ACSM5: variants seen among roughly 807,000 people sequenced by gnomAD.
ACSM5 encodes acyl-CoA synthetase medium chain family member 5, also known as acyl-coenzyme A synthetase ACSM5, mitochondrial.
Under a neutral mutation model 71.6 loss-of-function variants are expected in ACSM5, and 56 were observed. The ratio of observed to expected loss-of-function variants is 0.78; its 90% confidence interval spans 0.63 to 0.98. ACSM5 has a LOEUF of 0.98. Ranked by LOEUF, ACSM5 falls within the 50% of genes least tolerant of loss-of-function variation. The pLI, the probability that ACSM5 is intolerant of heterozygous loss-of-function variation, is 0.00. For missense variants in ACSM5, 723 were observed against 726.0 expected (o/e 1.00, Z 0.05); for synonymous variants, 285 against 281.5 (o/e 1.01, Z -0.12).
At chr16:20,435,601 T>C (rs1251946863) in intron 10 of ACSM5, among the ~76,000 whole-genome samples, 1 of 152,176 alleles carries the variant, frequency 6.6e-6, no homozygotes, top group African/African-American at 2.4e-5. Context: ...CATTTTTCAC[T>C]CCCTTGACAG....
intron 13 of ACSM5, 121 bp downstream of exon 13, chr16:20,440,040 C>T (rs1173718555): frequency 2.4e-6 from 3 of 1,274,632 alleles, no homozygotes; most frequent in Admixed American, 4.8e-5. Context: ...ACTTGTAACC[C>T]TGGCTGCTGC....
intron 1 of ACSM5, 118 bp from the exon 2 acceptor site, chr16:20,411,352 A>T: frequency 1.3e-6 from 1 of 771,486 alleles, no homozygotes; most frequent in Non-Finnish European, 2.1e-6. Context: ...AGTTTATTCT[A>T]CAAGTCAGTA....
Position 20,437,268 on chromosome 16 carries a change from C to T in ACSM5, c.1437C>T (p.Ser479=). ...GGAAGAGTTTGTTTTTCCCTTCCAG[C>T]TACCGGATCGGGCCTGTTGAAGTGG... is the stretch of plus-strand genomic sequence containing the variant. ...GRNDDVINSS[S]YRIGPVEVES... The change falls in exon 12 of 14, where the codon AGC becomes AGT. Residue 479 remains serine (S), a splice_region_variant and synonymous_variant. Coordinates refer to ENST00000331849, the MANE Select transcript of ACSM5 (RefSeq NM_017888.3). 1 of 1,614,174 alleles carries T rather than the reference C, an allele frequency of 6.2e-7. No individual in the cohort carries two copies. Among genetic ancestry groups the T allele is most frequent in the Non-Finnish European group, 8.5e-7 (1 of 1,180,020 alleles).
At chr16:20,431,870 G>T (rs569344417) in intron 10 of ACSM5, among the ~76,000 whole-genome samples, 2 of 151,882 alleles carry the variant, frequency 1.3e-5, no homozygotes, top group Non-Finnish European at 2.9e-5. Context: ...AGAATTGCTT[G>T]AACCAGGGAG....
Position 20,429,720 on chromosome 16 carries a change from G to A in ACSM5, c.1044G>A (p.Glu348=). The change falls in exon 8 of 14, where the codon GAG becomes GAA. Residue 348 remains glutamate, a synonymous_variant. Transcript: ENST00000331849. ...QSLRHCLTGG[E]ALNPDVREKW... ...TGAGGCACTGTCTGACCGGAGGAGA[G>A]GCCCTCAACCCTGACGTGAGGGAGA... The A allele has an allele frequency of 1.2e-6, 2 of 1,613,868 alleles. No homozygotes were observed. Among genetic ancestry groups the A allele is most frequent in the Non-Finnish European group, 1.7e-6 (2 of 1,179,902 alleles).
At chr16:20,414,990 T>C (rs1966853833) in intron 2 of ACSM5, among the ~76,000 whole-genome samples, 1 of 152,192 alleles carries the variant, frequency 6.6e-6, no homozygotes, top group Admixed American at 6.5e-5. Context: ...CCTTATTATA[T>C]AGTGGCAGAA....
chr16:20,431,314 G>A lies in ACSM5; in HGVS notation c.1301G>A (p.Cys434Tyr), dbSNP rs1469160564. Residue 434 changes from cysteine to tyrosine, a missense_variant, in exon 10 of 14, where the codon TGC (cysteine) becomes TAC (tyrosine). Physicochemically the swap from Cys to Tyr is radical, Grantham distance 194 (BLOSUM62 -2). Transcript: ENST00000331849. ...RPTRPFCFFNCYLDNPEKTAA... is the reference protein window; with the variant it reads ...RPTRPFCFFNYYLDNPEKTAA... ...ACTCGGCCCTTCTGTTTCTTCAATT[G>A]CTATTTGGTAAGAGACGGGGAACAG... is the stretch of plus-strand genomic sequence containing the variant. 1 of 1,613,662 alleles carries A rather than the reference G, an allele frequency of 6.2e-7. No individual in the cohort carries two copies.
intron 2 of ACSM5, among the ~76,000 whole-genome samples, chr16:20,412,954 A>T (rs1031263372): frequency 6.6e-6 from 1 of 152,194 alleles, no homozygotes; most frequent in African/African-American, 2.4e-5. Context: ...GATGACTGAG[A>T]CTTAAAAGCA....
chr16:20,429,724 C>T lies in ACSM5; in HGVS notation c.1048C>T (p.Leu350Phe). 1 of 1,613,842 alleles carries T rather than the reference C, an allele frequency of 6.2e-7. No individual in the cohort carries two copies. Among genetic ancestry groups the T allele is most frequent in the Non-Finnish European group, 8.5e-7 (1 of 1,179,922 alleles). ...GCACTGTCTGACCGGAGGAGAGGCC[C>T]TCAACCCTGACGTGAGGGAGAAGTG... ...LRHCLTGGEA[L>F]NPDVREKWKH... Residue 350 changes from leucine to phenylalanine, a missense_variant, in exon 8 of 14, where the codon CTC (leucine) becomes TTC (phenylalanine). Transcript: ENST00000331849.
At position 20,418,164 on chromosome 16, in the gene ACSM5, A is replaced by C. The variant is rs138928573; in HGVS notation, c.310A>C (p.Asn104His). 3.2e-5 allele frequency: 51 copies of C among 1,613,342 alleles called. No individual in the cohort carries two copies. The Middle Eastern group carries it at 5.3e-4, about 17-fold the overall frequency. ...GGGGAAGCAGTCCAGGAAGGCAGCC[A>C]ATGTGCTGGGGGGTGCATGCGGCCT... ...ELGKQSRKAA[N>H]VLGGACGLQP... The change falls in exon 3 of 14, where the codon AAT (asparagine) becomes CAT (histidine). Residue 104 changes from asparagine to histidine, a missense_variant. Physicochemically the swap from Asn to His is moderately conservative, Grantham distance 68. Coordinates refer to ENST00000331849, the MANE Select transcript of ACSM5 (RefSeq NM_017888.3).
At chr16:20,430,585 G>A (rs1967073454) in intron 8 of ACSM5, among the ~76,000 whole-genome samples, 1 of 151,758 alleles carries the variant, frequency 6.6e-6, no homozygotes, top group South Asian at 2.1e-4. Flanking sequence ...GGAAATAAAG[G>A]AAAGAGAAAG....
intron 6 of ACSM5, among the ~76,000 whole-genome samples, chr16:20,424,957 G>A (rs958081568): frequency 6.6e-6 from 1 of 152,170 alleles, no homozygotes; most frequent in Non-Finnish European, 1.5e-5. Flanking sequence ...AGAGAATGGG[G>A]TATCCATACC....
At chr16:20,437,631 T>TA (rs57414774) in intron 12 of ACSM5, among the ~76,000 whole-genome samples, 31,555 of 119,494 alleles carry the variant, frequency 0.26, 5,269 homozygotes, top group East Asian at 0.71. Flanking sequence ...CAGGAGATCT[T>TA]GGGGGAGGTG....
At chr16:20,421,202 G>A in intron 4 of ACSM5, 56 bp from the exon 5 acceptor site, 1 of 1,497,752 alleles carries the variant, frequency 6.7e-7, no homozygotes, top group East Asian at 2.5e-5. Flanking sequence ...CATATTATTG[G>A]TGCTACTAAC....
At chr16:20,422,871 A>G (rs1442093502) in intron 5 of ACSM5, among the ~76,000 whole-genome samples, 1 of 152,174 alleles carries the variant, frequency 6.6e-6, no homozygotes, top group African/African-American at 2.4e-5. Flanking sequence ...GGAGAGCTCT[A>G]AGAGGAATGG....
chr16:20,434,514 T>C (rs565160533), intron 10 of ACSM5, among the ~76,000 whole-genome samples: 1 of 152,174 alleles, frequency 6.6e-6, no homozygotes, highest in African/African-American at 2.4e-5. Flanking sequence ...ACCAATATGG[T>C]GAAACACCCT....
chr16:20,420,974 G>C, intron 4 of ACSM5: 1 of 222,378 alleles, frequency 4.5e-6, no homozygotes, highest in Non-Finnish European at 8.8e-6. Context: ...ACATGGACAT[G>C]TGTGTGTTCT....
At chr16:20,412,721 G>A (rs564276587) in intron 2 of ACSM5, among the ~76,000 whole-genome samples, 5 of 152,052 alleles carry the variant, frequency 3.3e-5, no homozygotes, top group Non-Finnish European at 7.4e-5. Flanking sequence ...TGCCTAAGGT[G>A]GTGGATAACA....
In ACSM5 at chr16:20,421,275, A is replaced by C; in HGVS notation, c.641A>C (p.His214Pro). 3 of 1,603,396 alleles carry C rather than the reference A, an allele frequency of 1.9e-6. No individual in the cohort carries two copies. Among genetic ancestry groups the C allele is most frequent in the Non-Finnish European group, 2.6e-6 (3 of 1,173,594 alleles). ...TTTTACAGGGAGGCTTCTACAGAGC[A>C]CAACTGCATGAGGACAAAGAGTCGA... The part of the protein sequence containing the change: ...RELLREASTE[H>P]NCMRTKSRDP... Residue 214 changes from histidine (H) to proline (P), a missense_variant, in exon 5 of 14, where the codon CAC becomes CCC. Coordinates refer to ENST00000331849, the MANE Select transcript of ACSM5 (RefSeq NM_017888.3).
Sources: gnomAD v4.1 joint callset for allele counts (sites outside exome capture counted in the v4.1 genomes callset) on GRCh38, gnomAD v4.1.1 for gene constraint, MANE v1.5 for transcripts, NCBI Gene and HGNC (gene_info 2026-07-23, HGNC 2026-07-21) for gene names.